Variants in EBF1 observed in about 807,000 individuals in gnomAD.
EBF1 encodes EBF transcription factor 1.
Under a neutral mutation model 68.4 loss-of-function variants are expected in EBF1, and 10 were observed. That is an observed-to-expected ratio of 0.15 (90% CI 0.09 to 0.25). The LOEUF (loss-of-function observed/expected upper bound fraction) is 0.25. Ranked by LOEUF, EBF1 falls within the 10% of genes least tolerant of loss-of-function variation. EBF1 has a pLI of 1.00. For synonymous variants in EBF1, 298 were observed against 299.8 expected, an observed-to-expected ratio of 0.99 and a Z score of 0.06; for missense variants, 509 against 794.4, an observed-to-expected ratio of 0.64 and a Z score of 4.32.
intron 8 of EBF1, among the ~76,000 whole-genome samples, chr5:158,804,307 T>G (rs1373186339): frequency 6.6e-6 from 1 of 152,080 alleles, no homozygotes; most frequent in Non-Finnish European, 1.5e-5. Flanking sequence ...TTCCAATTTA[T>G]GCCATTTGCT....
chr5:158,817,052 G>A (rs568942216), intron 8 of EBF1, among the ~76,000 whole-genome samples: 29 of 152,036 alleles, frequency 1.9e-4, no homozygotes, highest in Middle Eastern at 3.4e-3. Context: ...TCCCCACTTC[G>A]CAATTGCCAC....
chr5:158,983,670 T>C (rs1182328068), intron 6 of EBF1: 1 of 152,170 alleles, frequency 6.6e-6, no homozygotes, highest in Non-Finnish European at 1.5e-5. Context: ...TCTAATGTCT[T>C]TGGAAAAATC....
chr5:158,856,323 G>A (rs1794004351), intron 6 of EBF1, among the ~76,000 whole-genome samples: 1 of 152,184 alleles, frequency 6.6e-6, no homozygotes, highest in Non-Finnish European at 1.5e-5. Context: ...AGTGTTTTGA[G>A]TGTTATTTTT....
At chr5:158,937,789 G>A (rs537292081) in intron 6 of EBF1, among the ~76,000 whole-genome samples, 9 of 152,168 alleles carry the variant, frequency 5.9e-5, no homozygotes, top group South Asian at 2.1e-4. Context: ...GTGACCTCAC[G>A]GGGCCGCACG....
chr5:158,700,589 C>A (rs1360766479), intron 15 of EBF1, among the ~76,000 whole-genome samples: 1 of 151,924 alleles, frequency 6.6e-6, no homozygotes, highest in Non-Finnish European at 1.5e-5. Context: ...GGCTCTTAGC[C>A]CCAAGACCCC....
chr5:158,861,580 T>C (rs556886738), intron 6 of EBF1, among the ~76,000 whole-genome samples: 10 of 152,334 alleles, frequency 6.6e-5, no homozygotes, highest in Middle Eastern at 3.4e-3. Context: ...TTGAAACCAA[T>C]GGCACAGGAG....
intron 6 of EBF1, among the ~76,000 whole-genome samples, chr5:158,951,230 G>A (rs922537204): frequency 5.9e-5 from 9 of 152,132 alleles, no homozygotes; most frequent in African/African-American, 2.2e-4. Flanking sequence ...CTTTTGGCTG[G>A]GTGGGCCTGT....
At chr5:158,895,616 A>G (rs1332272511) in intron 6 of EBF1, among the ~76,000 whole-genome samples, 1 of 152,204 alleles carries the variant, frequency 6.6e-6, no homozygotes, top group Non-Finnish European at 1.5e-5. Flanking sequence ...CAATGCTATC[A>G]TTCTACTGGG....
At position 158,837,580 on chromosome 5, in the gene EBF1, A is replaced by G. The variant is rs116811357; in HGVS notation, c.636+2449T>C. ...CATCTCAGCAGCCTTTCTACTAAAC[A>G]AAGAATAACTATTTTGTTTGCAAAA... is the stretch of plus-strand genomic sequence containing the variant. On this transcript the variant is annotated intron_variant, in intron 7 of 15. Coordinates refer to ENST00000313708, the MANE Select transcript of EBF1 (RefSeq NM_024007.5). Among the ~76,000 whole-genome samples, 1,037 of 152,330 alleles carry G rather than the reference A, an allele frequency of 6.8e-3. 9 individuals carry two copies. Among genetic ancestry groups the G allele is most frequent in the African/African-American group, 0.024 (995 of 41,562 alleles).
At chr5:158,978,579 GAAAT>G (rs1247210976) in intron 6 of EBF1, among the ~76,000 whole-genome samples, 24 of 151,910 alleles carry the variant, frequency 1.6e-4, no homozygotes, top group Admixed American at 9.8e-4. Flanking sequence ...TGAATAGTAT[GAAAT>G]AAATAGAGCA....
chr5:159,093,741 G>T (rs1322841479), intron 4 of EBF1, among the ~76,000 whole-genome samples: 1 of 152,020 alleles, frequency 6.6e-6, no homozygotes, highest in Admixed American at 6.5e-5. Context: ...TGACTAGAGA[G>T]ACTTAAAATA....
At chr5:158,873,351 T>TAG (rs974396585) in intron 6 of EBF1, among the ~76,000 whole-genome samples, 1 of 152,180 alleles carries the variant, frequency 6.6e-6, no homozygotes, top group Non-Finnish European at 1.5e-5. Context: ...TTTGACTCTA[T>TAG]AGAATACACA....
rs187531000 is a variant in EBF1, at chr5:158,697,738, A to G, written c.*1373T>C. 9.6e-6 allele frequency: 2 copies of G among 207,910 alleles called. No homozygotes were observed. The highest frequency in any genetic ancestry group is 4.6e-5 in the African/African-American group (2 of 43,658). 12.9% of individuals were successfully genotyped at this position (207,910 alleles called of 1,614,324 possible). A position where few individuals can be genotyped will look rare whatever the true frequency, so the allele number is the denominator to read the frequency against. On this transcript the variant is annotated 3_prime_UTR_variant, in exon 16 of 16. Coordinates refer to ENST00000313708, the MANE Select transcript of EBF1 (RefSeq NM_024007.5). ...CATTAAAATGTATAAATAGAACAACAACTTTGGCAAAAAATCACAAAAAAA... is the reference window on the plus strand; with the variant it reads ...CATTAAAATGTATAAATAGAACAACGACTTTGGCAAAAAATCACAAAAAAA...
At chr5:158,735,158 G>A (rs189201885) in intron 10 of EBF1, among the ~76,000 whole-genome samples, 2 of 152,226 alleles carry the variant, frequency 1.3e-5, no homozygotes, top group Non-Finnish European at 2.9e-5. Context: ...CTTTCCGAAA[G>A]GTACACATAA....
chr5:159,004,105 C>G (rs180992475), intron 6 of EBF1, among the ~76,000 whole-genome samples: 1 of 152,012 alleles, frequency 6.6e-6, no homozygotes, highest in African/African-American at 2.4e-5. Flanking sequence ...GGTGAAACCC[C>G]GTCTCTACTA....
At chr5:158,705,870 C>T (rs955364211) in intron 15 of EBF1, among the ~76,000 whole-genome samples, 2 of 152,214 alleles carry the variant, frequency 1.3e-5, no homozygotes, top group Admixed American at 6.5e-5. Flanking sequence ...TTCTCCAGTG[C>T]TTCCCGTCAA....
At chr5:158,829,115 T>C (rs796195411) in intron 7 of EBF1, among the ~76,000 whole-genome samples, 10 of 152,334 alleles carry the variant, frequency 6.6e-5, no homozygotes, top group African/African-American at 2.4e-4. Flanking sequence ...GATGTATATG[T>C]CCATGCTTTT....
chr5:158,812,560 C>T (rs534800750), intron 8 of EBF1, among the ~76,000 whole-genome samples: 1 of 152,148 alleles, frequency 6.6e-6, no homozygotes, highest in South Asian at 2.1e-4. Context: ...AGAGCCACCC[C>T]CTTCCGGAGG....
intron 6 of EBF1, among the ~76,000 whole-genome samples, chr5:158,967,600 T>C (rs1165110632): frequency 6.6e-6 from 1 of 152,094 alleles, no homozygotes; most frequent in Non-Finnish European, 1.5e-5. Flanking sequence ...AAAGAATCAA[T>C]ATGGTAGGAT....
Sources: gnomAD v4.1 joint callset for allele counts (sites outside exome capture counted in the v4.1 genomes callset) on GRCh38, gnomAD v4.1.1 for gene constraint, MANE v1.5 for transcripts, NCBI Gene and HGNC (gene_info 2026-07-23, HGNC 2026-07-21) for gene names.